WDR74: variants seen among roughly 807,000 people sequenced by gnomAD.
WDR74 encodes the protein WD repeat domain 74, also known as WD repeat-containing protein 74.
Under a neutral mutation model 45.6 loss-of-function variants are expected in WDR74, and 31 were observed. That is an observed-to-expected ratio of 0.68 (90% CI 0.51 to 0.92). The LOEUF (loss-of-function observed/expected upper bound fraction) is 0.92, where lower values mean the gene tolerates loss of function less well. Among genes scored for constraint, WDR74 ranks in the 40% least tolerant of loss-of-function variants. The probability of loss-of-function intolerance (pLI) is 0.00; values close to 1 mark genes in which losing one functional copy is unlikely to be tolerated. For synonymous variants in WDR74, 191 were observed against 192.4 expected (o/e 0.99, Z 0.06); for missense variants, 455 against 497.2 (o/e 0.92, Z 0.81).
upstream of WDR74, chr11:62,841,643 ACTGCAAT>A (rs1389506301): frequency 6.6e-6 from 1 of 152,248 alleles, no homozygotes; most frequent in African/African-American, 2.4e-5. Flanking sequence ...TCCTGGAAGT[ACTGCAAT>A]ACCAGGTCGA....
chr11:62,833,988 A>G (rs1462375694), intron 8 of WDR74, 51 bp from the exon 9 acceptor site: 2 of 1,599,636 alleles, frequency 1.3e-6, no homozygotes, highest in Non-Finnish European at 1.7e-6. Context: ...ATAACCAACC[A>G]TTCATTGTTT....
intron 3 of WDR74, among the ~76,000 whole-genome samples, chr11:62,838,576 C>T (rs1186153193): frequency 9.9e-5 from 15 of 151,588 alleles, no homozygotes; most frequent in Admixed American, 9.8e-4. Context: ...CTAGCCAATA[C>T]GGTGAAACCC....
At position 62,839,002 on chromosome 11, in the gene WDR74, C is replaced by T; in HGVS notation, c.293+112G>A. 23 of 1,474,152 alleles carry T rather than the reference C, an allele frequency of 1.6e-5. 1 individual carries two copies. The South Asian group carries it at 2.9e-4, about 18-fold the overall frequency. The allele number at this position is 1,474,152 out of a possible 1,614,324, so 91.3% of individuals were successfully genotyped here. On this transcript the variant is annotated intron_variant, in intron 3 of 10. Transcript: ENST00000278856. The stretch of plus-strand genomic sequence containing the variant: ...AAGGCAGAAACCCAGGTCCCTGTCA[C>T]CCATTCAAAGCCGTGTCACTAAGAG...
At chr11:62,840,774 G>A (rs1440405690), upstream of WDR74, among the ~76,000 whole-genome samples, 1 of 152,160 alleles carries the variant, frequency 6.6e-6, no homozygotes, top group African/African-American at 2.4e-5. Context: ...TAGTGAAGAC[G>A]GGATTTTTCA....
chr11:62,839,678 G>GA (rs2085019764), upstream of WDR74: 70 of 1,343,500 alleles, frequency 5.2e-5, 1 homozygote, highest in South Asian at 9.7e-4. Context: ...TTGAAGAGCC[G>GA]AAACAGTAAA....
Position 62,839,535 on chromosome 11 carries a change from C to T in WDR74, c.36G>A (p.Trp12Ter). 6.2e-7 allele frequency: 1 copy of T among 1,613,506 alleles called. No homozygotes were observed. The highest frequency in any genetic ancestry group is 8.5e-7 in the Non-Finnish European group (1 of 1,179,800). ...TCAAGATCCCAGTCTCGGTGCCGAC[C>T]CACACATGGTTCCAGCGTGCAGCAG... is the stretch of plus-strand genomic sequence containing the variant. The part of the protein sequence containing the change: ...AAAAARWNHV[W>*]VGTETGILKG... Residue 12 changes from tryptophan to a stop codon, truncating the protein, a stop_gained, in exon 1 of 11, where the codon TGG becomes TGA. Transcript: ENST00000278856. LOFTEE classifies it high-confidence loss of function.
intron 3 of WDR74, among the ~76,000 whole-genome samples, chr11:62,838,744 G>T (rs2084996657): frequency 6.8e-6 from 1 of 147,952 alleles, no homozygotes; most frequent in South Asian, 2.1e-4. Flanking sequence ...GGCAACAAGA[G>T]CGAAAACTCC....
upstream of WDR74, chr11:62,841,592 TA>T (rs368344067): frequency 1.3e-5 from 2 of 152,168 alleles, no homozygotes; most frequent in African/African-American, 2.4e-5. Flanking sequence ...AATCTTCCAT[TA>T]AACAACGGTT....
chr11:62,833,911 G>C lies in WDR74; in HGVS notation c.802C>G (p.Leu268Val). ...QGRLLGCLKG[L>V]AGSVRGLQCH... ...TGCAACCCACGCACACTGCCTGCCAGCCCCTTCAGACAGCCCAGTAGACGC... is the reference window on the plus strand; with the variant it reads ...TGCAACCCACGCACACTGCCTGCCACCCCCTTCAGACAGCCCAGTAGACGC... Residue 268 changes from leucine to valine, a missense_variant, in exon 9 of 11, where the codon CTG becomes GTG. Leu to Val is a conservative substitution (Grantham distance 32). Coordinates refer to ENST00000278856, the MANE Select transcript of WDR74 (RefSeq NM_001369450.1). 6.2e-7 allele frequency: 1 copy of C among 1,613,916 alleles called. No homozygotes were observed. Among genetic ancestry groups the C allele is most frequent in the Non-Finnish European group, 8.5e-7 (1 of 1,179,874 alleles).
chr11:62,839,489 C>T lies in WDR74; in HGVS notation c.64+18G>A, dbSNP rs1348564962. 1 of 1,613,680 alleles carries T rather than the reference C, an allele frequency of 6.2e-7. No individual in the cohort carries two copies. The highest frequency in any genetic ancestry group is 2.2e-5 in the East Asian group (1 of 44,882). On this transcript the variant is annotated intron_variant, in intron 1 of 10. Transcript: ENST00000278856. ...GAGTGCACCCCTGCACTTCCCGACG[C>T]CCGAGCCTGCCACCCACCTTTCAAG...
intron 3 of WDR74, among the ~76,000 whole-genome samples, chr11:62,837,071 G>A (rs1463043926): frequency 2.0e-5 from 3 of 152,066 alleles, no homozygotes; most frequent in South Asian, 4.2e-4. Context: ...GCAAGACTCC[G>A]TCTCTCAGAA....
At chr11:62,840,611 A>G (rs989043380), upstream of WDR74, among the ~76,000 whole-genome samples, 1 of 152,202 alleles carries the variant, frequency 6.6e-6, no homozygotes, top group Non-Finnish European at 1.5e-5. Context: ...TACTTTACCT[A>G]GAGATTAACA....
At chr11:62,835,215 C>T in intron 6 of WDR74, 1 of 562,084 alleles carries the variant, frequency 1.8e-6, no homozygotes, top group East Asian at 3.0e-5. Context: ...TTCCTCTCTT[C>T]CAGGTGGGAG....
intron 9 of WDR74, 26 bp from the exon 10 acceptor site, chr11:62,833,700 A>T: frequency 6.4e-7 from 1 of 1,571,072 alleles, no homozygotes; most frequent in Non-Finnish European, 8.6e-7. Flanking sequence ...GACCTTAAGG[A>T]GCCAGGCATG....
chr11:62,835,589 T>C, intron 5 of WDR74, 57 bp from the exon 6 acceptor site: 1 of 1,612,968 alleles, frequency 6.2e-7, no homozygotes, highest in Admixed American at 1.7e-5. Flanking sequence ...TGCCCCTGTT[T>C]TCAGCCCTCC....
rs369123885 is a variant in WDR74, at chr11:62,833,629, C to G, written c.967G>C (p.Asp323His). The G allele has an allele frequency of 2.5e-5, 39 of 1,552,242 alleles. No individual in the cohort carries two copies. In the African/African-American group the frequency reaches 4.0e-4, roughly 16 times the overall value. The change falls in exon 10 of 11, where the codon GAC becomes CAC. Residue 323 changes from aspartate (D) to histidine (H), a missense_variant. By Grantham distance (81) the Asp-to-His change is moderately conservative. Transcript: ENST00000278856. ...GCCCAACTGCTCACCTCCCAGTTGT[C>G]CCTGCCTGACAAGAGGAGGCAGTTC... ...QLNCLLLSGR[D>H]NWEDEPQEPQ...
At position 62,839,387 on chromosome 11, in the gene WDR74, C is replaced by A. The variant is rs752838865; in HGVS notation, c.106G>T (p.Gly36Ter). The A allele has an allele frequency of 1.9e-6, 3 of 1,612,910 alleles. No individual in the cohort carries two copies. The highest frequency in any genetic ancestry group is 2.2e-5 in the South Asian group (2 of 91,088). The change falls in exon 2 of 11, where the codon GGA becomes TGA. Residue 36 changes from glycine (G) to a stop codon, truncating the protein, a stop_gained. Coordinates refer to ENST00000278856, the MANE Select transcript of WDR74 (RefSeq NM_001369450.1). LOFTEE classifies it high-confidence loss of function. ...GCCTCCTCGCGCCGCGGCTGTCCTCCGGCCGTGAAGTTCGCCGCCTGTTTT... is the reference window on the plus strand; with the variant it reads ...GCCTCCTCGCGCCGCGGCTGTCCTCAGGCCGTGAAGTTCGCCGCCTGTTTT... ...QRKQAANFTA[G>*]GQPRREEAVS... is the part of the protein sequence containing the mutation.
chr11:62,837,502 A>C (rs1419804856), intron 3 of WDR74, among the ~76,000 whole-genome samples: 1 of 149,166 alleles, frequency 6.7e-6, no homozygotes, highest in East Asian at 2.0e-4. Flanking sequence ...GTATATAAAA[A>C]AAAAACAAAA....
chr11:62,838,418 G>C (rs995220615), intron 3 of WDR74, among the ~76,000 whole-genome samples: 2 of 151,226 alleles, frequency 1.3e-5, no homozygotes, highest in Non-Finnish European at 3.0e-5. Context: ...GCCTTCCAAA[G>C]TGCTGGGATG....
Sources: gnomAD v4.1 joint callset for allele counts (sites outside exome capture counted in the v4.1 genomes callset) on GRCh38, gnomAD v4.1.1 for gene constraint, MANE v1.5 for transcripts, NCBI Gene and HGNC (gene_info 2026-07-23, HGNC 2026-07-21) for gene names.